The following NBEAL2 variants were observed in gnomAD, a reference collection of about 807,000 sequenced individuals.
The protein encoded by NBEAL2 is neurobeachin-like protein 2.
A neutral mutation model predicts 299.8 loss-of-function variants in NBEAL2; 160 were observed. The observed-to-expected ratio is 0.53, with a 90% CI of 0.47 to 0.61. NBEAL2 has a LOEUF of 0.61. NBEAL2 is among the 20% of genes least tolerant of loss of function. NBEAL2 has a pLI of 0.00. For missense variants in NBEAL2, 3,112 were observed against 3,649.0 expected (o/e 0.85, Z 3.79); for synonymous variants, 1,493 against 1,542.3 (o/e 0.97, Z 0.75).
chr3:47,006,130 G>C, intron 43 of NBEAL2, 35 bp from the exon 44 acceptor site: 2 of 1,612,640 alleles, frequency 1.2e-6, no homozygotes, highest in Non-Finnish European at 1.7e-6. Context: ...CAGAGGGCAC[G>C]CAGGGAGCCC....
chr3:46,980,131 G>A (rs1400657419), intron 1 of NBEAL2, among the ~76,000 whole-genome samples: 1 of 152,144 alleles, frequency 6.6e-6, no homozygotes. Context: ...GCTCGCGGTC[G>A]TGCACTTCAT....
intron 1 of NBEAL2, among the ~76,000 whole-genome samples, chr3:46,986,694 G>A (rs954186042): frequency 2.6e-5 from 4 of 152,202 alleles, no homozygotes; most frequent in Non-Finnish European, 5.9e-5. Context: ...CTGAGGCAAG[G>A]ATCGGGGCCC....
chr3:47,006,209 G>A lies in NBEAL2; in HGVS notation c.6964G>A (p.Ala2322Thr). The change falls in exon 44 of 54, where the codon GCT (alanine) becomes ACT (threonine). Residue 2322 changes from alanine to threonine, a missense_variant. By Grantham distance (58) the Ala-to-Thr change is moderately conservative (BLOSUM62 0). Around this residue, in one of 3 missense-constraint regions of NBEAL2, gnomAD observed 521 missense variants for 729.6 expected, o/e 0.71. Coordinates refer to ENST00000450053, the MANE Select transcript of NBEAL2 (RefSeq NM_015175.3). ...TGTGACAGATGAGCGGGAACGGAAGGCTCTGGAGGGCATTATCAGCAACTT... is the reference window on the plus strand; with the variant it reads ...TGTGACAGATGAGCGGGAACGGAAGACTCTGGAGGGCATTATCAGCAACTT... ...DHVTDERERKALEGIISNFGQ... is the reference protein window; with the variant it reads ...DHVTDERERKTLEGIISNFGQ... 6.2e-7 allele frequency: 1 copy of A among 1,613,914 alleles called. No homozygotes were observed. The highest frequency in any genetic ancestry group is 8.5e-7 in the Non-Finnish European group (1 of 1,179,884).
At chr3:46,994,243 A>AC (rs1393157843) in intron 11 of NBEAL2, among the ~76,000 whole-genome samples, 2 of 152,050 alleles carry the variant, frequency 1.3e-5, no homozygotes, top group Non-Finnish European at 2.9e-5. Context: ...GGGAATGGAC[A>AC]CTTGTAGGCC....
At chr3:46,981,070 G>A (rs1486901216) in intron 1 of NBEAL2, among the ~76,000 whole-genome samples, 1 of 152,234 alleles carries the variant, frequency 6.6e-6, no homozygotes, top group Non-Finnish European at 1.5e-5. Context: ...CCAGCAGGAG[G>A]CCAGGCATGG....
chr3:46,998,336 G>A, intron 21 of NBEAL2, 110 bp downstream of exon 21: 1 of 1,517,352 alleles, frequency 6.6e-7, no homozygotes. Flanking sequence ...AATCCAGAAT[G>A]CCATGGGGCG....
intron 10 of NBEAL2, among the ~76,000 whole-genome samples, chr3:46,992,928 T>C (rs1364585389): frequency 3.3e-5 from 5 of 152,174 alleles, no homozygotes; most frequent in Admixed American, 6.5e-5. Context: ...TTCTGTAGAT[T>C]CTTGCACCCA....
rs1171445943 is a variant in NBEAL2 at position 46,996,267 on chromosome 3, AC to A, written c.2152-3del. 1.2e-6 allele frequency: 2 copies of A among 1,605,250 alleles called. No homozygotes were observed. Reference sequence around the variant, plus strand: ...TGACCGCTCCCCCAACCCCGGCCCCACAGCCTTTCTCCTCCTGCTGTATCGG... The same window carrying A: ...TGACCGCTCCCCCAACCCCGGCCCCAAGCCTTTCTCCTCCTGCTGTATCGG... On this transcript the variant is annotated splice_region_variant and splice_polypyrimidine_tract_variant and intron_variant, in intron 15 of 53. Transcript: ENST00000450053.
chr3:47,007,869 T>G lies in NBEAL2; in HGVS notation c.7561T>G (p.Ser2521Ala), dbSNP rs1172423140. The G allele has an allele frequency of 6.2e-7, 1 of 1,613,624 alleles. No homozygotes were observed. Among genetic ancestry groups the G allele is most frequent in the South Asian group, 1.1e-5 (1 of 91,018 alleles). Residue 2521 changes from serine (S) to alanine (A), a missense_variant, in exon 49 of 54, where the codon TCC becomes GCC. Around this residue, in one of 3 missense-constraint regions of NBEAL2, gnomAD observed 348 missense variants for 381.4 expected, o/e 0.91. Transcript: ENST00000450053. ...CTGTGGCATCTACCTCATCTCAGGCTCCCGGGACACCACGTGCATGGTGTG... is the reference window on the plus strand; with the variant it reads ...CTGTGGCATCTACCTCATCTCAGGCGCCCGGGACACCACGTGCATGGTGTG... ...DTCGIYLISG[S>A]RDTTCMVWRL...
In NBEAL2 at chr3:46,998,964, G is replaced by T. The variant is rs2107372164; in HGVS notation, c.3390G>T (p.Val1130=). The T allele has an allele frequency of 6.2e-7, 1 of 1,606,754 alleles. No individual in the cohort carries two copies. Among genetic ancestry groups the T allele is most frequent in the East Asian group, 2.2e-5 (1 of 44,596 alleles). The part of the protein sequence containing the change: ...LAATGDDGQA[V]GALDLLLALL... Reference sequence around the variant, plus strand: ...GTGAGACCCTGCATCCCCAGGCGGTGGGTGCGCTGGACCTGCTGCTGGCCC... The same window carrying T: ...GTGAGACCCTGCATCCCCAGGCGGTTGGTGCGCTGGACCTGCTGCTGGCCC... The change falls in exon 24 of 54, where the codon GTG becomes GTT. Residue 1130 remains valine, a synonymous_variant. Transcript: ENST00000450053.
At position 46,995,323 on chromosome 3, in the gene NBEAL2, C is replaced by T. The variant is rs1440943007; in HGVS notation, c.1588C>T (p.Pro530Ser). 5 of 1,596,058 alleles carry T rather than the reference C, an allele frequency of 3.1e-6. No individual in the cohort carries two copies. Among genetic ancestry groups the T allele is most frequent in the Non-Finnish European group, 4.3e-6 (5 of 1,171,914 alleles). Residue 530 changes from proline to serine, a missense_variant, in exon 13 of 54, where the codon CCC becomes TCC. Transcript: ENST00000450053. ...AGCACTGGGCCGTGTATCAATAAGG[C>T]CCATGGAGCTGCGTCACCTGCTGCG... ...LQALGRVSIR[P>S]MELRHLLRPR...
intron 1 of NBEAL2, among the ~76,000 whole-genome samples, chr3:46,986,341 G>A (rs1575584119): frequency 1.3e-5 from 2 of 152,168 alleles, no homozygotes; most frequent in Admixed American, 1.3e-4. Flanking sequence ...TGGCCACCAG[G>A]AGGGTGGGAG....
intron 24 of NBEAL2, 39 bp downstream of exon 24, chr3:46,999,156 C>T (rs540799593): frequency 1.9e-6 from 3 of 1,549,018 alleles, no homozygotes; most frequent in Non-Finnish European, 2.6e-6. Flanking sequence ...ATCCCATTCA[C>T]TGGGGCCCCT....
Position 47,003,963 on chromosome 3 carries a change from G to A in NBEAL2, c.5868G>A (p.Val1956=). The change falls in exon 36 of 54, where the codon GTG becomes GTA. Residue 1956 remains valine (V), a synonymous_variant. Transcript: ENST00000450053. This position sits in a 1 kb window ranked among gnomAD's most constrained non-coding sequence, Gnocchi z 7.0. ...TCTACGATGGCAGCACTGAGCGCGTGGAAACCGAGGAGGGTGCGTCCTGGT... is the reference window on the plus strand; with the variant it reads ...TCTACGATGGCAGCACTGAGCGCGTAGAAACCGAGGAGGGTGCGTCCTGGT... ...VYFYDGSTER[V]ETEEGIGYDF... The A allele has an allele frequency of 6.2e-7, 1 of 1,613,320 alleles. No individual in the cohort carries two copies. The highest frequency in any genetic ancestry group is 8.5e-7 in the Non-Finnish European group (1 of 1,179,468).
chr3:46,996,372 CCCCG>C lies in NBEAL2; in HGVS notation c.2257_2260del (p.Ala753SerfsTer65), dbSNP rs1559597437. The C allele has an allele frequency of 6.2e-7, 1 of 1,612,520 alleles. No homozygotes were observed. The highest frequency in any genetic ancestry group is 8.5e-7 in the Non-Finnish European group (1 of 1,179,796). ...TCCCCGCCACCCTGGCCTACACTCA[CCCCG>C]CCCTCACCCGCTCCCAGTCAGTCCC... On this transcript the variant is annotated frameshift_variant, in exon 16 of 54. Coordinates refer to ENST00000450053, the MANE Select transcript of NBEAL2 (RefSeq NM_015175.3). LOFTEE classifies it high-confidence loss of function.
rs2037185809 is a variant in NBEAL2, at chr3:47,003,424, A to G, written c.5720+115A>G. On this transcript the variant is annotated intron_variant, in intron 35 of 53. Transcript: ENST00000450053. The surrounding 1 kb of genome is among the most constrained non-coding windows in gnomAD (Gnocchi z 7.0). ...GTGTGTCCTCTTCTGCTGCCCGACT[A>G]CGTCCCCCTGAAGGGACTGTCCAAA... 1.4e-6 allele frequency: 2 copies of G among 1,424,586 alleles called. No homozygotes were observed. The highest frequency in any genetic ancestry group is 2.3e-5 in the Admixed American group (1 of 43,878). The allele number at this position is 1,424,586 out of a possible 1,614,324, so 88.2% of individuals were successfully genotyped here.
At position 46,991,701 on chromosome 3, in the gene NBEAL2, T is replaced by G; in HGVS notation, c.925+13T>G. The G allele has an allele frequency of 4.4e-6, 7 of 1,590,050 alleles. No individual in the cohort carries two copies. The highest frequency in any genetic ancestry group is 6.0e-6 in the Non-Finnish European group (7 of 1,173,548). On this transcript the variant is annotated intron_variant, in intron 8 of 53. Coordinates refer to ENST00000450053, the MANE Select transcript of NBEAL2 (RefSeq NM_015175.3). This position sits in a 1 kb window ranked among gnomAD's most constrained non-coding sequence, Gnocchi z 6.2. ...GTCAGCATGCTCGGTGGGTATGGGC[T>G]CCCAGGCTCTTGGGGAAGGGGCACC...
chr3:47,002,611 C>T, intron 32 of NBEAL2, 34 bp from the exon 33 acceptor site: 1 of 1,607,346 alleles, frequency 6.2e-7, no homozygotes, highest in Non-Finnish European at 8.5e-7. Context: ...GGGCAGGCAG[C>T]AGCCAGGGGA....
chr3:46,992,375 A>G, intron 9 of NBEAL2, 100 bp from the exon 10 acceptor site: 2 of 1,098,992 alleles, frequency 1.8e-6, no homozygotes, highest in Middle Eastern at 2.8e-4. Flanking sequence ...CGGGCAGGGC[A>G]CCTGGCAGCT....
Sources: gnomAD v4.1 joint callset for allele counts (sites outside exome capture counted in the v4.1 genomes callset) on GRCh38, gnomAD v4.1.1 for gene constraint, gnomAD v4.1.1 regional missense constraint, Gnocchi (gnomAD v3.1) non-coding constraint, MANE v1.5 for transcripts, NCBI Gene and HGNC (gene_info 2026-07-23, HGNC 2026-07-21) for gene names.